VPS13B: variants seen among roughly 807,000 people sequenced by gnomAD.
VPS13B encodes vacuolar protein sorting 13 homolog B.
A neutral mutation model predicts 426.4 loss-of-function variants in VPS13B; 285 were observed. The observed-to-expected ratio is 0.67, with a 90% CI of 0.61 to 0.74. VPS13B has a LOEUF of 0.74. VPS13B is among the 30% of genes least tolerant of loss of function. The pLI is 0.00. For synonymous variants in VPS13B, 1,676 were observed against 1,676.4 expected, an observed-to-expected ratio of 1.00 and a Z score of 0.01; for missense variants, 4,537 against 4,782.6, an observed-to-expected ratio of 0.95 and a Z score of 1.51.
rs199684925 is a variant in VPS13B at position 99,136,698 on chromosome 8, T to G, written c.1597T>G (p.Phe533Val). ...CACTGAGATAGCTGGAATGCAACGG[T>G]TTGGGGCTTTTTATATGGATTACCT... ...TYTEIAGMQR[F>V]GAFYMDYLYT... Residue 533 changes from phenylalanine to valine, a missense_variant, in exon 12 of 62, where the codon TTT becomes GTT. By Grantham distance (50) the Phe-to-Val change is conservative (BLOSUM62 -1). This residue lies in a region of VPS13B where 4,311 missense variants were observed against 4,474.3 expected (regional missense o/e 0.96). Transcript: ENST00000357162. The G allele has an allele frequency of 6.2e-7, 1 of 1,613,576 alleles. No individual in the cohort carries two copies. Among genetic ancestry groups the G allele is most frequent in the East Asian group, 2.2e-5 (1 of 44,804 alleles).
chr8:99,463,203 C>G (rs1033398438), intron 23 of VPS13B, among the ~76,000 whole-genome samples: 3 of 152,112 alleles, frequency 2.0e-5, no homozygotes, highest in African/African-American at 4.8e-5. Context: ...GTCCCTTCTT[C>G]TTTTAAAAGC....
In VPS13B at chr8:99,096,293, T is replaced by G. The variant is rs911814140; in HGVS notation, c.292-19T>G. 1.9e-6 allele frequency: 3 copies of G among 1,613,294 alleles called. No homozygotes were observed. Among genetic ancestry groups the G allele is most frequent in the Non-Finnish European group, 1.7e-6 (2 of 1,179,578 alleles). On this transcript the variant is annotated intron_variant, in intron 3 of 61. Transcript: ENST00000357162. ...GTATGATCGATGGTTTTCTTTTTCT[T>G]TCTTTAAAATAAAAATAGGATGACC...
At chr8:99,421,765 C>T (rs1302080566) in intron 21 of VPS13B, among the ~76,000 whole-genome samples, 3 of 152,112 alleles carry the variant, frequency 2.0e-5, no homozygotes, top group African/African-American at 7.2e-5. Context: ...GCAACCTCCA[C>T]CTCCCAGGCT....
chr8:99,847,671 G>A (rs780155335), intron 54 of VPS13B, among the ~76,000 whole-genome samples: 13 of 152,130 alleles, frequency 8.5e-5, no homozygotes, highest in Non-Finnish European at 1.8e-4. Context: ...TGACATCCAG[G>A]TAACCTGCAT....
intron 2 of VPS13B, among the ~76,000 whole-genome samples, chr8:99,037,611 G>C (rs1277123616): frequency 6.6e-6 from 1 of 152,026 alleles, no homozygotes; most frequent in African/African-American, 2.4e-5. Context: ...TTCACAAATA[G>C]AGTTACAATA....
At chr8:99,206,931 G>A (rs1814762439) in intron 17 of VPS13B, among the ~76,000 whole-genome samples, 2 of 151,970 alleles carry the variant, frequency 1.3e-5, no homozygotes, top group African/African-American at 2.4e-5. Context: ...CCAGATACAG[G>A]CATTGGCTAT....
intron 5 of VPS13B, among the ~76,000 whole-genome samples, chr8:99,108,080 T>A (rs1349385919): frequency 6.6e-6 from 1 of 152,210 alleles, no homozygotes; most frequent in African/African-American, 2.4e-5. Context: ...CTCCCACTTA[T>A]AATTGAGAAC....
At chr8:99,305,254 A>T (rs899082449) in intron 19 of VPS13B, among the ~76,000 whole-genome samples, 3 of 152,124 alleles carry the variant, frequency 2.0e-5, no homozygotes, top group African/African-American at 7.2e-5. Flanking sequence ...TGTGGGTTCA[A>T]CCAATGGTGG....
chr8:99,235,050 A>C (rs548349142), intron 17 of VPS13B, among the ~76,000 whole-genome samples: 1 of 152,210 alleles, frequency 6.6e-6, no homozygotes, highest in Admixed American at 6.5e-5. Context: ...GAATTTTACA[A>C]GAGTGCTTTA....
chr8:99,237,817 A>G (rs1225820238), intron 17 of VPS13B, among the ~76,000 whole-genome samples: 1 of 152,070 alleles, frequency 6.6e-6, no homozygotes, highest in Non-Finnish European at 1.5e-5. Flanking sequence ...TAAAAAATTC[A>G]TACAAAAAAA....
intron 21 of VPS13B, among the ~76,000 whole-genome samples, chr8:99,423,269 T>C (rs542623218): frequency 6.6e-6 from 1 of 152,190 alleles, no homozygotes; most frequent in Admixed American, 6.5e-5. Context: ...GTGAATTTTT[T>C]TTTTTTTGAA....
intron 12 of VPS13B, among the ~76,000 whole-genome samples, chr8:99,138,206 A>G (rs922982328): frequency 2.6e-5 from 4 of 152,090 alleles, no homozygotes; most frequent in Non-Finnish European, 5.9e-5. Flanking sequence ...GGCTCACTGC[A>G]ACTTCTGCCT....
chr8:99,672,028 A>G (rs1830738132), intron 35 of VPS13B, among the ~76,000 whole-genome samples: 1 of 152,066 alleles, frequency 6.6e-6, no homozygotes, highest in African/African-American at 2.4e-5. Context: ...ATAGTTTTAT[A>G]GTATATTTTT....
rs147352593 is a variant in VPS13B at position 99,656,199 on chromosome 8, A to C, written c.5909-5155A>C. On this transcript the variant is annotated intron_variant, in intron 34 of 61. Coordinates refer to ENST00000357162, the MANE Select transcript of VPS13B (RefSeq NM_152564.5). Reference sequence around the variant, plus strand: ...CAATTATTACAGCTTTGTCAATACAAATGCCTTATGAAAGTGAAATCGAAC... The same window carrying C: ...CAATTATTACAGCTTTGTCAATACACATGCCTTATGAAAGTGAAATCGAAC... Among the ~76,000 whole-genome samples the C allele has an allele frequency of 2.3e-4, 35 of 152,302 alleles. 1 individual carries two copies. Among genetic ancestry groups the C allele is most frequent in the Middle Eastern group, 3.4e-3 (1 of 294 alleles).
At chr8:99,013,693 T>C in intron 1 of VPS13B, 67 bp from the exon 2 acceptor site, 1 of 1,473,610 alleles carries the variant, frequency 6.8e-7, no homozygotes, top group Non-Finnish European at 9.5e-7. Flanking sequence ...GCTTTCGGCC[T>C]GAGATAACGA....
chr8:99,790,939 G>T (rs1039391109), intron 43 of VPS13B, among the ~76,000 whole-genome samples: 10 of 152,154 alleles, frequency 6.6e-5, no homozygotes, highest in Non-Finnish European at 4.4e-5. Context: ...GAGGGCTCCT[G>T]TATGCTGTGC....
intron 16 of VPS13B, among the ~76,000 whole-genome samples, chr8:99,192,627 A>G (rs1257910557): frequency 2.0e-5 from 3 of 152,194 alleles, no homozygotes; most frequent in Non-Finnish European, 4.4e-5. Context: ...TAATTGCTTG[A>G]GCAGTATATG....
At chr8:99,467,290 A>G (rs1819161186) in intron 23 of VPS13B, 124 bp from the exon 24 acceptor site, 11 of 1,017,116 alleles carry the variant, frequency 1.1e-5, no homozygotes, top group Non-Finnish European at 7.7e-6. Context: ...CAGGAATACT[A>G]TATTCACTTT....
At chr8:99,655,653 C>A (rs1829995271) in intron 34 of VPS13B, among the ~76,000 whole-genome samples, 1 of 152,140 alleles carries the variant, frequency 6.6e-6, no homozygotes, top group Admixed American at 6.5e-5. Context: ...CATCCTCTGC[C>A]CCAGCTGGCC....
Sources: allele counts gnomAD v4.1 joint callset (sites outside exome capture counted in the v4.1 genomes callset), GRCh38; gene constraint gnomAD v4.1.1; regional missense constraint gnomAD v4.1.1; transcripts MANE v1.5; gene names NCBI Gene and HGNC (gene_info 2026-07-23, HGNC 2026-07-21).